The following SMARCA4 variants were observed in gnomAD, a reference collection of about 807,000 sequenced individuals.
SMARCA4 encodes the protein SWI/SNF related BAF chromatin remodeling complex subunit ATPase 4.
Under a neutral mutation model 193.9 loss-of-function variants are expected in SMARCA4, and 31 were observed. The ratio of observed to expected loss-of-function variants is 0.16; its 90% CI spans 0.12 to 0.22. The LOEUF (loss-of-function observed/expected upper bound fraction) is 0.22, where lower values mean the gene tolerates loss of function less well. Among genes scored for constraint, SMARCA4 ranks in the 10% least tolerant of loss-of-function variants. SMARCA4 has a pLI of 1.00. For missense variants in SMARCA4, 1,148 were observed against 2,296.0 expected, an observed-to-expected ratio of 0.50 and a Z score of 10.22; for synonymous variants, 942 against 933.1, an observed-to-expected ratio of 1.01 and a Z score of -0.17.
rs573767517 is a variant in SMARCA4, at chr19:10,986,529, T to C, written c.696T>C (p.Pro232=). 28 of 1,541,124 alleles carry C rather than the reference T, an allele frequency of 1.8e-5. No homozygotes were observed. Among genetic ancestry groups the C allele is most frequent in the Middle Eastern group, 3.3e-4 (2 of 5,984 alleles). The change falls in exon 4 of 35, where the codon CCT becomes CCC. Residue 232 remains proline, a synonymous_variant. Transcript: ENST00000344626. This position sits in a 1 kb window ranked among gnomAD's most constrained non-coding sequence, Gnocchi z 6.7. ...PPSVSATGPG[P]GPGPGPGPGP... ...CGGTGTCCGCAACAGGACCCGGCCC[T>C]GGCCCTGGCCCTGGCCCCGGCCCGG...
rs1368575154 is a variant in SMARCA4, at chr19:11,033,035, G to A, written c.3547-255G>A. The A allele has an allele frequency of 3.4e-6, 2 of 581,352 alleles. No individual in the cohort carries two copies. Among genetic ancestry groups the A allele is most frequent in the South Asian group, 2.0e-5 (1 of 51,162 alleles). The allele number at this position is 581,352 out of a possible 1,614,324, so 36.0% of individuals were successfully genotyped here. ...CCTGGGGGGTTGGTGCTTTCTTCCC[G>A]AATATCTGTGGGGTCCCAATAAGGT... On this transcript the variant is annotated intron_variant, in intron 25 of 34. Coordinates refer to ENST00000344626, the MANE Select transcript of SMARCA4 (RefSeq NM_003072.5). The surrounding 1 kb of genome is among the most constrained non-coding windows in gnomAD (Gnocchi z 9.8).
chr19:11,007,429 CAAAAAAAAA>C lies in SMARCA4; in HGVS notation c.2002-458_2002-450del, dbSNP rs1188457080. 1.8e-3 allele frequency among the ~76,000 whole-genome samples: 102 copies of C among 56,146 alleles called. 1 individual carries two copies. The highest frequency in any genetic ancestry group is 5.6e-3 in the African/African-American group (92 of 16,376). The allele number at this position is 56,146 out of a possible 152,430, so 36.8% of individuals were successfully genotyped here. A position where few individuals can be genotyped will look rare whatever the true frequency, so the allele number is the denominator to read the frequency against. On this transcript the variant is annotated intron_variant, in intron 13 of 34. Coordinates refer to ENST00000344626, the MANE Select transcript of SMARCA4 (RefSeq NM_003072.5). ...TGGGCAACAGAGTGACACTTCGTCT[CAAAAAAAAA>C]AAAAAAAAAAAAAAGATGTAGCCAG...
chr19:11,000,721 A>C (rs1378635282), intron 11 of SMARCA4, among the ~76,000 whole-genome samples: 1 of 152,050 alleles, frequency 6.6e-6, no homozygotes, highest in East Asian at 1.9e-4. Flanking sequence ...TCTACTAAAA[A>C]TACAAACATT....
At chr19:10,974,475 G>T in intron 1 of SMARCA4, among the ~76,000 whole-genome samples, 3 of 145,394 alleles carry the variant, frequency 2.1e-5, no homozygotes, top group Non-Finnish European at 1.5e-5. Flanking sequence ...TTTCTTGGAA[G>T]TTTTTCTTTA....
chr19:10,965,364 G>A (rs1325334100), intron 1 of SMARCA4: 1 of 152,232 alleles, frequency 6.6e-6, no homozygotes, highest in African/African-American at 2.4e-5. Context: ...TGCTTAGAAT[G>A]GTGCCTGGCA....
At chr19:10,977,290 G>A (rs2085215252) in intron 1 of SMARCA4, among the ~76,000 whole-genome samples, 1 of 152,062 alleles carries the variant, frequency 6.6e-6, no homozygotes. Flanking sequence ...TGTGCTGGGG[G>A]GAGGCTGCGT....
chr19:10,962,246 G>C (rs932309079), intron 1 of SMARCA4, among the ~76,000 whole-genome samples: 3 of 152,150 alleles, frequency 2.0e-5, no homozygotes, highest in Non-Finnish European at 4.4e-5. Context: ...CCTGTAAAAT[G>C]GTTCCTCGCA....
chr19:11,061,242 T>TATATAA (rs74180005), intron 34 of SMARCA4, among the ~76,000 whole-genome samples: 2 of 108,106 alleles, frequency 1.9e-5, no homozygotes, highest in African/African-American at 3.5e-5. Context: ...TATATATATA[T>TATATAA]GAAAGAGCAA....
chr19:11,061,694 A>T (rs2147154695), intron 34 of SMARCA4, 90 bp from the exon 35 acceptor site: 1 of 1,289,250 alleles, frequency 7.8e-7, no homozygotes, highest in Non-Finnish European at 1.1e-6. Flanking sequence ...TGTTTTCTTG[A>T]GCAAGTTTAT....
In SMARCA4 at chr19:10,999,145, A is replaced by G. The variant is rs530987943; in HGVS notation, c.1812+2601A>G. Among the ~76,000 whole-genome samples the G allele has an allele frequency of 1.7e-3, 262 of 152,166 alleles. 2 individuals carry two copies. Among genetic ancestry groups the G allele is most frequent in the Non-Finnish European group, 4.3e-4 (29 of 68,004 alleles). ...GGTCTCGAACTCCTGAGCTCAAGCA[A>G]TCTACCTGCCTTGGCCTCCCAAAGT... is the stretch of plus-strand genomic sequence containing the variant. On this transcript the variant is annotated intron_variant, in intron 11 of 34. Transcript: ENST00000344626.
At chr19:11,022,993 G>A (rs2089985897) in intron 19 of SMARCA4, among the ~76,000 whole-genome samples, 1 of 152,206 alleles carries the variant, frequency 6.6e-6, no homozygotes, top group Admixed American at 6.5e-5. Context: ...CATTTTAAAA[G>A]TTAATTATTA....
intron 29 of SMARCA4, among the ~76,000 whole-genome samples, chr19:11,036,894 G>A (rs562505488): frequency 6.6e-6 from 1 of 152,298 alleles, no homozygotes; most frequent in Non-Finnish European, 1.5e-5. Context: ...GAGTCCTACA[G>A]CGTGGGATGC....
chr19:10,992,280 T>G (rs2086626040), intron 8 of SMARCA4, among the ~76,000 whole-genome samples: 1 of 145,636 alleles, frequency 6.9e-6, no homozygotes, highest in Admixed American at 6.8e-5. Flanking sequence ...CCTGGCTAAC[T>G]TTTTTTTTGT....
At chr19:11,017,242 C>T (rs776727604) in intron 16 of SMARCA4, among the ~76,000 whole-genome samples, 4 of 152,182 alleles carry the variant, frequency 2.6e-5, no homozygotes, top group Admixed American at 6.5e-5. Flanking sequence ...AGTAGTGAGC[C>T]GGTACCTCCG....
intron 1 of SMARCA4, among the ~76,000 whole-genome samples, chr19:10,980,302 C>T (rs1342578662): frequency 6.6e-6 from 1 of 152,126 alleles, no homozygotes; most frequent in Non-Finnish European, 1.5e-5. Flanking sequence ...AAACCCCGTG[C>T]TTCTAAAAAG....
chr19:11,052,007 A>G (rs1471450406), intron 30 of SMARCA4, among the ~76,000 whole-genome samples: 5 of 152,276 alleles, frequency 3.3e-5, no homozygotes, highest in African/African-American at 1.2e-4. Context: ...AGGCAGGAGA[A>G]TCGCTTGAAC....
intron 23 of SMARCA4, among the ~76,000 whole-genome samples, chr19:11,026,595 G>A (rs2090280003): frequency 6.6e-6 from 1 of 151,292 alleles, no homozygotes; most frequent in South Asian, 2.1e-4. Flanking sequence ...TGCCTCCTGG[G>A]TTCAAATGAT....
In SMARCA4 at chr19:11,019,415, T is replaced by C. The variant is rs966726697; in HGVS notation, c.2506-176T>C. On this transcript the variant is annotated intron_variant, in intron 17 of 34. Transcript: ENST00000344626. The surrounding 1 kb of genome is among the most constrained non-coding windows in gnomAD (Gnocchi z 6.1). Reference sequence around the variant, plus strand: ...CCTCTTCCCCCTGCAGCGCGTGTTCTGCGTGGTGAGGTCTGGGGACGCGCC... The same window carrying C: ...CCTCTTCCCCCTGCAGCGCGTGTTCCGCGTGGTGAGGTCTGGGGACGCGCC... 6.3e-6 allele frequency: 4 copies of C among 634,398 alleles called. No individual in the cohort carries two copies. Among genetic ancestry groups the C allele is most frequent in the Non-Finnish European group, 1.1e-5 (4 of 351,298 alleles). The allele number at this position is 634,398 out of a possible 1,614,324, so 39.3% of individuals were successfully genotyped here.
At chr19:11,014,516 C>G (rs2089171344) in intron 16 of SMARCA4, among the ~76,000 whole-genome samples, 1 of 152,208 alleles carries the variant, frequency 6.6e-6, no homozygotes, top group Non-Finnish European at 1.5e-5. Flanking sequence ...TACAGCGTTC[C>G]TGCTGCACCT....
Sources: gnomAD v4.1 joint callset for allele counts (sites outside exome capture counted in the v4.1 genomes callset) on GRCh38, gnomAD v4.1.1 for gene constraint, Gnocchi (gnomAD v3.1) non-coding constraint, MANE v1.5 for transcripts, NCBI Gene and HGNC (gene_info 2026-07-23, HGNC 2026-07-21) for gene names.